IGF2BP1: variants seen among roughly 807,000 people sequenced by gnomAD.
IGF2BP1 encodes the protein insulin-like growth factor 2 mRNA-binding protein 1.
In IGF2BP1, 11 loss-of-function variants were observed where a neutral mutation model predicts 74.9. That is an observed-to-expected ratio of 0.15 (90% CI 0.09 to 0.24). The LOEUF is 0.24. Ranked by LOEUF, IGF2BP1 falls within the 10% of genes least tolerant of loss-of-function variation. IGF2BP1 has a pLI of 1.00. For missense variants in IGF2BP1, 440 were observed against 757.4 expected, an observed-to-expected ratio of 0.58 and a Z score of 4.92; for synonymous variants, 287 against 281.8, an observed-to-expected ratio of 1.02 and a Z score of -0.18.
chr17:49,038,143 C>CT, intron 5 of IGF2BP1, 25 bp from the exon 6 acceptor site: 1 of 1,470,116 alleles, frequency 6.8e-7, no homozygotes, highest in East Asian at 2.5e-5. Context: ...TTGGAATGAC[C>CT]TGTAGACTCT....
Position 49,049,708 on chromosome 17 carries a change from T to C in IGF2BP1, c.*264T>C. 1 of 415,832 alleles carries C rather than the reference T, an allele frequency of 2.4e-6. No individual in the cohort carries two copies. The highest frequency in any genetic ancestry group is 4.4e-6 in the Non-Finnish European group (1 of 225,838). 25.8% of individuals were successfully genotyped at this position (415,832 alleles called of 1,614,324 possible). On this transcript the variant is annotated 3_prime_UTR_variant, in exon 15 of 15. Coordinates refer to ENST00000290341, the MANE Select transcript of IGF2BP1 (RefSeq NM_006546.4). Reference sequence around the variant, plus strand: ...AAGGCACTTTTAAACGTGGATTGTTTAAAGAAGCTCTCCAGGCCCCACCAA... The same window carrying C: ...AAGGCACTTTTAAACGTGGATTGTTCAAAGAAGCTCTCCAGGCCCCACCAA...
At chr17:49,004,905 T>G (rs1045928228) in intron 2 of IGF2BP1, 1 of 152,186 alleles carries the variant, frequency 6.6e-6, no homozygotes, top group Non-Finnish European at 1.5e-5. Flanking sequence ...AATGATCCTG[T>G]AAGATACCAC....
intron 13 of IGF2BP1, 93 bp from the exon 14 acceptor site, chr17:49,046,166 TC>T (rs906385201): frequency 1.5e-5 from 22 of 1,436,240 alleles, no homozygotes; most frequent in Non-Finnish European, 2.0e-5. Context: ...TCCTGACTCT[TC>T]CAGGTTCTCC....
intron 2 of IGF2BP1, among the ~76,000 whole-genome samples, chr17:49,021,511 C>T (rs937010127): frequency 3.3e-5 from 5 of 152,170 alleles, no homozygotes; most frequent in Admixed American, 1.3e-4. Flanking sequence ...CTGCCGCCCC[C>T]GTCCCCACGT....
At chr17:49,025,313 AGTGTGTGTGTGTGT>A (rs369153046) in intron 2 of IGF2BP1, among the ~76,000 whole-genome samples, 290 of 133,646 alleles carry the variant, frequency 2.2e-3, no homozygotes, top group Non-Finnish European at 3.7e-3. Flanking sequence ...GGACAAACAA[AGTGTGTGTGTGTGT>A]GTGTGTGTGT....
At chr17:49,025,743 C>T (rs2041844818) in intron 3 of IGF2BP1, 77 bp downstream of exon 3, 13 of 1,363,026 alleles carry the variant, frequency 9.5e-6, no homozygotes, top group South Asian at 1.2e-5. Context: ...CTGGAGTTGC[C>T]AGAAATGATT....
intron 6 of IGF2BP1, 137 bp downstream of exon 6, chr17:49,038,586 C>A: frequency 1.1e-6 from 1 of 908,582 alleles, no homozygotes. Flanking sequence ...TCAGGGGTCC[C>A]TGCTTCCAAT....
chr17:49,009,033 TTC>T (rs1232007961), intron 2 of IGF2BP1, among the ~76,000 whole-genome samples: 1 of 152,044 alleles, frequency 6.6e-6, no homozygotes, highest in East Asian at 1.9e-4. Flanking sequence ...TTTTTTTTGT[TTC>T]TGTTTTTTTT....
At chr17:49,036,593 G>A (rs2041991761) in intron 5 of IGF2BP1, 1 of 152,172 alleles carries the variant, frequency 6.6e-6, no homozygotes, top group Admixed American at 6.5e-5. Context: ...CACCCGCCAC[G>A]ATGGCGTTCA....
intron 2 of IGF2BP1, among the ~76,000 whole-genome samples, chr17:49,019,332 A>G (rs1169343814): frequency 6.6e-6 from 1 of 152,100 alleles, no homozygotes; most frequent in East Asian, 1.9e-4. Flanking sequence ...AACCCCCCGT[A>G]AGCTCCTCAA....
In IGF2BP1 at chr17:48,997,403, G is replaced by C. The variant is rs2041419003; in HGVS notation, c.-343G>C. On this transcript the variant is annotated 5_prime_UTR_variant, in exon 1 of 15. Transcript: ENST00000290341. This position sits in a 1 kb window ranked among gnomAD's most constrained non-coding sequence, Gnocchi z 4.8. Reference sequence around the variant, plus strand: ...TTTTTTCCGCTCCATTTTTTTTCAAGTCGATTTTATTTAGAGGCGGCGCCA... The same window carrying C: ...TTTTTTCCGCTCCATTTTTTTTCAACTCGATTTTATTTAGAGGCGGCGCCA... The C allele has an allele frequency of 7.5e-6, 1 of 132,754 alleles. No homozygotes were observed. Among genetic ancestry groups the C allele is most frequent in the African/African-American group, 3.1e-5 (1 of 32,314 alleles). 8.2% of individuals were successfully genotyped at this position (132,754 alleles called of 1,614,324 possible). A position where few individuals can be genotyped will look rare whatever the true frequency, so the allele number is the denominator to read the frequency against.
At chr17:49,045,216 A>AG in intron 12 of IGF2BP1, 151 bp downstream of exon 12, 3 of 592,966 alleles carry the variant, frequency 5.1e-6, no homozygotes. Context: ...AGGGCTGCAG[A>AG]GCTATTTTCA....
At chr17:49,019,913 T>G (rs1470339123) in intron 2 of IGF2BP1, among the ~76,000 whole-genome samples, 4 of 29,554 alleles carry the variant, frequency 1.4e-4, no homozygotes, top group African/African-American at 8.8e-4. Context: ...TTTATATATA[T>G]ATATATATAT....
intron 2 of IGF2BP1, among the ~76,000 whole-genome samples, chr17:49,016,415 G>A (rs1412398572): frequency 7.2e-5 from 11 of 151,924 alleles, no homozygotes; most frequent in African/African-American, 9.7e-5. Flanking sequence ...GTGTGCGTGC[G>A]CACGTGTGTG....
chr17:49,026,623 TCCTTCCTTCCTG>T lies in IGF2BP1; in HGVS notation c.337+122_337+133del, dbSNP rs1237714244. The stretch of plus-strand genomic sequence containing the variant: ...TCTTTCTTTTTCTCCCTTCCTTCCT[TCCTTCCTTCCTG>T]CCTTCCTTCCTGCCTGCCTTCCTGC... On this transcript the variant is annotated intron_variant, in intron 4 of 14. Transcript: ENST00000290341. The T allele has an allele frequency of 4.8e-4, 233 of 483,488 alleles. 1 individual carries two copies. In the African/African-American group the frequency reaches 5.4e-3, roughly 11 times the overall value. 29.9% of individuals were successfully genotyped at this position (483,488 alleles called of 1,614,324 possible).
chr17:49,032,080 C>G, intron 5 of IGF2BP1, 107 bp downstream of exon 5: 2 of 968,380 alleles, frequency 2.1e-6, no homozygotes, highest in Admixed American at 4.0e-5. Context: ...CAGGCTGGGT[C>G]CCCATCCAGG....
At chr17:49,001,627 G>C (rs865845486) in intron 2 of IGF2BP1, among the ~76,000 whole-genome samples, 1 of 152,254 alleles carries the variant, frequency 6.6e-6, no homozygotes, top group Middle Eastern at 3.4e-3. Flanking sequence ...ACAGCAGTTA[G>C]CTTGAATTTT....
In IGF2BP1 at chr17:49,055,941, G is replaced by A. The variant is rs1296203568; in HGVS notation, c.*6497G>A. Among the ~76,000 whole-genome samples the A allele has an allele frequency of 6.7e-6, 1 of 149,218 alleles. No individual in the cohort carries two copies. The highest frequency in any genetic ancestry group is 6.8e-5 in the Admixed American group (1 of 14,654). ...GGAAATCTGCCAGCCATCACCACCC[G>A]ATTTTGATTGTATCCTTCCTCCCAT... On this transcript the variant is annotated 3_prime_UTR_variant, in exon 15 of 15. Coordinates refer to ENST00000290341, the MANE Select transcript of IGF2BP1 (RefSeq NM_006546.4).
chr17:49,044,889 G>A, intron 11 of IGF2BP1, 102 bp from the exon 12 acceptor site: 2 of 944,064 alleles, frequency 2.1e-6, no homozygotes, highest in South Asian at 1.4e-5. Flanking sequence ...CTTCAGAATG[G>A]GTAGTTGGGA....
Sources: allele counts gnomAD v4.1 joint callset (sites outside exome capture counted in the v4.1 genomes callset), GRCh38; gene constraint gnomAD v4.1.1; non-coding constraint Gnocchi (gnomAD v3.1); transcripts MANE v1.5; gene names NCBI Gene and HGNC (gene_info 2026-07-23, HGNC 2026-07-21).